DOCK2: variants seen among roughly 807,000 people sequenced by gnomAD.
The protein encoded by DOCK2 is dedicator of cytokinesis protein 2.
In DOCK2, 87 loss-of-function variants were observed where a neutral mutation model predicts 248.9. That is an observed-to-expected ratio of 0.35 (90% confidence interval 0.29 to 0.42). The LOEUF is 0.42. Among genes scored for constraint, DOCK2 ranks in the 10% least tolerant of loss-of-function variants. DOCK2 has a pLI of 1.00. For synonymous variants in DOCK2, 805 were observed against 821.6 expected, an observed-to-expected ratio of 0.98 and a Z score of 0.35; for missense variants, 1,747 against 2,300.2, an observed-to-expected ratio of 0.76 and a Z score of 4.92.
At chr5:170,075,113 C>T (rs1399452869) in intron 46 of DOCK2, among the ~76,000 whole-genome samples, 1 of 152,210 alleles carries the variant, frequency 6.6e-6, no homozygotes, top group South Asian at 2.1e-4. Flanking sequence ...GCAGAAATAT[C>T]TTTATGTCAC....
chr5:170,042,197 C>T (rs1037285801), intron 38 of DOCK2, 65 bp downstream of exon 38: 11 of 1,506,004 alleles, frequency 7.3e-6, no homozygotes, highest in Non-Finnish European at 8.9e-6. Flanking sequence ...CTCTCCCATA[C>T]CTTACATCCA....
chr5:170,020,585 T>C (rs1171775357), intron 33 of DOCK2, among the ~76,000 whole-genome samples: 1 of 152,238 alleles, frequency 6.6e-6, no homozygotes, highest in Non-Finnish European at 1.5e-5. Flanking sequence ...CATTATCTTA[T>C]CTTACCCACT....
chr5:169,913,099 T>C (rs73325980), intron 27 of DOCK2, among the ~76,000 whole-genome samples: 2,804 of 152,306 alleles, frequency 0.018, 85 homozygotes, highest in African/African-American at 0.065. Flanking sequence ...TTGTCTCTAG[T>C]TTCCTGTCAT....
At chr5:169,829,920 T>A (rs192099666) in intron 26 of DOCK2, among the ~76,000 whole-genome samples, 279 of 152,354 alleles carry the variant, frequency 1.8e-3, no homozygotes, top group African/African-American at 6.1e-3. Flanking sequence ...CTGTTCTTCC[T>A]GGAAAGTAGA....
chr5:169,802,016 CAT>C lies in DOCK2; in HGVS notation c.2555-1041_2555-1040del, dbSNP rs542698124. On this transcript the variant is annotated intron_variant, in intron 25 of 51. Transcript: ENST00000520908. ...GCATCTGAGTCGGGGCAGCTTGACA[CAT>C]GTTTGGATTTTTTTTTTTTCCTCAA... 1.6e-3 allele frequency among the ~76,000 whole-genome samples: 237 copies of C among 150,738 alleles called. 1 individual carries two copies. The highest frequency in any genetic ancestry group is 3.1e-3 in the Admixed American group (47 of 15,130).
intron 36 of DOCK2, among the ~76,000 whole-genome samples, chr5:170,039,716 C>CA (rs1756449833): frequency 6.6e-6 from 1 of 152,210 alleles, no homozygotes; most frequent in Non-Finnish European, 1.5e-5. Flanking sequence ...GTGCAGAAAG[C>CA]CTTTTTCCCA....
At chr5:169,840,320 G>A (rs954785838) in intron 26 of DOCK2, among the ~76,000 whole-genome samples, 7 of 152,158 alleles carry the variant, frequency 4.6e-5, no homozygotes, top group African/African-American at 1.7e-4. Context: ...TAAACCATGA[G>A]AATCCACTCC....
intron 27 of DOCK2, among the ~76,000 whole-genome samples, chr5:169,892,516 G>T (rs575613306): frequency 6.6e-6 from 1 of 152,320 alleles, no homozygotes; most frequent in East Asian, 1.9e-4. Flanking sequence ...CAGCTCAGGT[G>T]CCTCATTTGG....
chr5:169,920,756 C>A (rs1775128663), intron 27 of DOCK2, among the ~76,000 whole-genome samples: 1 of 152,172 alleles, frequency 6.6e-6, no homozygotes, highest in Non-Finnish European at 1.5e-5. Flanking sequence ...TGGAACTTGG[C>A]CCTTCCTTTG....
chr5:169,932,440 A>G (rs537059907), intron 27 of DOCK2, among the ~76,000 whole-genome samples: 2 of 152,310 alleles, frequency 1.3e-5, no homozygotes, highest in African/African-American at 4.8e-5. Context: ...GGCAGCTGCC[A>G]TGTGGCAAGA....
At chr5:169,684,495 A>G in intron 8 of DOCK2, 145 bp downstream of exon 8, 1 of 1,097,686 alleles carries the variant, frequency 9.1e-7, no homozygotes, top group African/African-American at 1.6e-5. Context: ...ACTTCTTTGG[A>G]GGTTGTAGGA....
chr5:169,989,166 C>T (rs111430032), intron 29 of DOCK2, among the ~76,000 whole-genome samples: 3 of 152,216 alleles, frequency 2.0e-5, no homozygotes, highest in African/African-American at 7.2e-5. Flanking sequence ...ATTTTAATGT[C>T]TCCCCAGCTG....
intron 26 of DOCK2, among the ~76,000 whole-genome samples, chr5:169,819,085 C>T (rs757544441): frequency 1.3e-5 from 2 of 152,184 alleles, no homozygotes; most frequent in Non-Finnish European, 2.9e-5. Context: ...TGACATGATT[C>T]AGTGAAGGTA....
intron 27 of DOCK2, among the ~76,000 whole-genome samples, chr5:169,881,948 C>T (rs891671326): frequency 6.6e-6 from 1 of 152,200 alleles, no homozygotes; most frequent in Non-Finnish European, 1.5e-5. Flanking sequence ...GCCTTTTCCT[C>T]CTATACTGGT....
chr5:169,916,588 CA>C (rs1451035032), intron 27 of DOCK2, among the ~76,000 whole-genome samples: 2 of 152,186 alleles, frequency 1.3e-5, no homozygotes, highest in Non-Finnish European at 2.9e-5. Flanking sequence ...GTACCTCCTT[CA>C]TAGGATGAAA....
intron 22 of DOCK2, among the ~76,000 whole-genome samples, chr5:169,740,394 T>A (rs1462793446): frequency 6.6e-6 from 1 of 152,208 alleles, no homozygotes; most frequent in Non-Finnish European, 1.5e-5. Flanking sequence ...TCAAACAGAA[T>A]CTCCACATGT....
intron 27 of DOCK2, among the ~76,000 whole-genome samples, chr5:169,855,592 G>A (rs138723047): frequency 2.4e-4 from 37 of 152,284 alleles, no homozygotes; most frequent in African/African-American, 8.9e-4. Context: ...TTAGAGAGAG[G>A]CCCCAGGCAG....
chr5:169,847,878 A>G (rs1770405150), intron 27 of DOCK2, among the ~76,000 whole-genome samples: 1 of 152,242 alleles, frequency 6.6e-6, no homozygotes, highest in Non-Finnish European at 1.5e-5. Context: ...TTATGTATTT[A>G]CTGCAACCGT....
chr5:169,910,980 A>G (rs1244081207), intron 27 of DOCK2, among the ~76,000 whole-genome samples: 1 of 152,136 alleles, frequency 6.6e-6, no homozygotes, highest in Non-Finnish European at 1.5e-5. Flanking sequence ...AAGTGAGAAT[A>G]ATAAGTGAAA....
Sources: allele counts gnomAD v4.1 joint callset (sites outside exome capture counted in the v4.1 genomes callset), GRCh38; gene constraint gnomAD v4.1.1; transcripts MANE v1.5; gene names NCBI Gene and HGNC (gene_info 2026-07-23, HGNC 2026-07-21).